Variants in CORO1B observed in about 807,000 individuals in gnomAD.
The protein encoded by CORO1B is coronin 1B, also known as coronin-1B.
In CORO1B, 30 loss-of-function variants were observed where a neutral mutation model predicts 51.1. The observed-to-expected ratio is 0.59, with a 90% confidence interval of 0.44 to 0.80. CORO1B has a LOEUF of 0.80. Among genes scored for constraint, CORO1B ranks in the 30% least tolerant of loss-of-function variants. The pLI is 0.00. For synonymous variants in CORO1B, 310 were observed against 289.7 expected, an observed-to-expected ratio of 1.07 and a Z score of -0.71; for missense variants, 648 against 700.4, an observed-to-expected ratio of 0.93 and a Z score of 0.84.
At chr11:67,442,379 TA>T in intron 2 of CORO1B, 48 bp downstream of exon 2, 3 of 1,581,020 alleles carry the variant, frequency 1.9e-6, no homozygotes, top group Non-Finnish European at 2.6e-6. Flanking sequence ...AAAGGCCCAG[TA>T]GGGGTGGCCG....
intron 6 of CORO1B, 159 bp from the exon 7 acceptor site, chr11:67,440,598 C>A: frequency 1.4e-6 from 1 of 732,408 alleles, no homozygotes; most frequent in Non-Finnish European, 2.4e-6. Context: ...TGACGACCCC[C>A]ACCTGGCCCT....
At chr11:67,441,628 G>A in intron 4 of CORO1B, 105 bp downstream of exon 4, 2 of 1,539,218 alleles carry the variant, frequency 1.3e-6, no homozygotes, top group Non-Finnish European at 1.8e-6. Flanking sequence ...CTCCAACTCT[G>A]AGGGCCTCAG....
chr11:67,442,538 C>G lies in CORO1B; in HGVS notation c.91G>C (p.Val31Leu). The G allele has an allele frequency of 6.2e-7, 1 of 1,613,788 alleles. No individual in the cohort carries two copies. Among genetic ancestry groups the G allele is most frequent in the Non-Finnish European group, 8.5e-7 (1 of 1,180,014 alleles). ...KNDQCYEDIR[V>L]SRVTWDSTFC... ...GTGCTGTCCCAGGTAACACGGGACA[C>G]GCGAATGTCCTCATAGCACTGGTCG... Residue 31 changes from valine (V) to leucine (L), a missense_variant, in exon 2 of 11, where the codon GTG (valine) becomes CTG (leucine). Coordinates refer to ENST00000341356, the MANE Select transcript of CORO1B (RefSeq NM_020441.3).
At position 67,436,418 on chromosome 11, in the gene CORO1B, G is replaced by C; in HGVS notation, c.*1958C>G. 1 of 1,414,468 alleles carries C rather than the reference G, an allele frequency of 7.1e-7. No individual in the cohort carries two copies. The highest frequency in any genetic ancestry group is 9.2e-7 in the Non-Finnish European group (1 of 1,087,692). 87.6% of individuals were successfully genotyped at this position (1,414,468 alleles called of 1,614,324 possible). On this transcript the variant is annotated 3_prime_UTR_variant, in exon 11 of 11. Coordinates refer to ENST00000341356, the MANE Select transcript of CORO1B (RefSeq NM_020441.3). The stretch of plus-strand genomic sequence containing the variant: ...GTGGGGCCTGGTGTGGGGCAGGCTG[G>C]GTGACCAAGACCACTTTCGTTTTTT...
Position 67,437,736 on chromosome 11 carries a change from A to G in CORO1B, c.*640T>C, listed in dbSNP as rs1475045347. 1.7e-5 allele frequency: 20 copies of G among 1,149,920 alleles called. No homozygotes were observed. The highest frequency in any genetic ancestry group is 2.3e-5 in the Non-Finnish European group (20 of 879,208). The allele number at this position is 1,149,920 out of a possible 1,614,324, so 71.2% of individuals were successfully genotyped here. On this transcript the variant is annotated 3_prime_UTR_variant, in exon 11 of 11. Coordinates refer to ENST00000341356, the MANE Select transcript of CORO1B (RefSeq NM_020441.3). The stretch of plus-strand genomic sequence containing the variant: ...TGGCCCAGGCTTCCGCTTCCTGCCC[A>G]CATACCCCACCTGCCCCTCCCTGCT...
upstream of CORO1B, chr11:67,443,551 TCA>T (rs1213479942): frequency 5.4e-6 from 4 of 736,560 alleles, no homozygotes; most frequent in African/African-American, 7.8e-5. Context: ...GGGGCCGAGG[TCA>T]CGCGCGGAGG....
rs370062028 is a variant in CORO1B, at chr11:67,436,148, C to T, written c.*2228G>A. 4.4e-5 allele frequency: 69 copies of T among 1,571,328 alleles called. No individual in the cohort carries two copies. In the East Asian group the frequency reaches 5.6e-4, roughly 13 times the overall value. Reference sequence around the variant, plus strand: ...GCGGCCCCACAGCGCGGCACCTAGGCGGGCCGGGTGGTAGTAGCCCCCTGA... The same window carrying T: ...GCGGCCCCACAGCGCGGCACCTAGGTGGGCCGGGTGGTAGTAGCCCCCTGA... On this transcript the variant is annotated 3_prime_UTR_variant, in exon 11 of 11. Transcript: ENST00000341356.
intron 9 of CORO1B, among the ~76,000 whole-genome samples, chr11:67,439,450 T>TGCC (rs1340603569): frequency 6.6e-6 from 1 of 152,224 alleles, no homozygotes; most frequent in Non-Finnish European, 1.5e-5. Context: ...TCGCCTGGCC[T>TGCC]GCCCCCAGTG....
chr11:67,438,186 A>G lies in CORO1B; in HGVS notation c.*190T>C. 3 of 636,310 alleles carry G rather than the reference A, an allele frequency of 4.7e-6. No individual in the cohort carries two copies. The highest frequency in any genetic ancestry group is 5.0e-6 in the Non-Finnish European group (2 of 396,724). 39.4% of individuals were successfully genotyped at this position (636,310 alleles called of 1,614,324 possible). A position where few individuals can be genotyped will look rare whatever the true frequency, so the allele number is the denominator to read the frequency against. On this transcript the variant is annotated 3_prime_UTR_variant, in exon 11 of 11. Transcript: ENST00000341356. ...TCGAGGAGCTCGCCTGGGCGTAGAC[A>G]TCCTCCACAGGAACAGTGAGGAAAG...
chr11:67,439,883 GC>G (rs759083840), intron 8 of CORO1B, 40 bp from the exon 9 acceptor site: 85 of 1,509,078 alleles, frequency 5.6e-5, no homozygotes, highest in Middle Eastern at 1.8e-4. Flanking sequence ...AACCCTCACC[GC>G]CCCCCCCACC....
Position 67,438,432 on chromosome 11 carries a change from C to A in CORO1B, c.1414G>T (p.Asp472Tyr), listed in dbSNP as rs147206539. The part of the protein sequence containing the change: ...ALRALVKEQG[D>Y]RICRLEEQLG... ...TGCTCCTCCAGGCGGCAGATGCGGTCGCCCTGCTCCTTGACCAGCGCCCTC... is the reference window on the plus strand; with the variant it reads ...TGCTCCTCCAGGCGGCAGATGCGGTAGCCCTGCTCCTTGACCAGCGCCCTC... The change falls in exon 11 of 11, where the codon GAC (aspartate) becomes TAC (tyrosine). Residue 472 changes from aspartate to tyrosine, a missense_variant. By Grantham distance (160) the Asp-to-Tyr change is radical (BLOSUM62 -3). Transcript: ENST00000341356. 6.2e-7 allele frequency: 1 copy of A among 1,611,048 alleles called. No homozygotes were observed. The highest frequency in any genetic ancestry group is 2.2e-5 in the East Asian group (1 of 44,802).
Position 67,438,206 on chromosome 11 carries a change from G to A in CORO1B, c.*170C>T. On this transcript the variant is annotated 3_prime_UTR_variant, in exon 11 of 11. Coordinates refer to ENST00000341356, the MANE Select transcript of CORO1B (RefSeq NM_020441.3). ...TAGACATCCTCCACAGGAACAGTGA[G>A]GAAAGCTGGGCGCTGGCTTCGGCCT... is the stretch of plus-strand genomic sequence containing the variant. The A allele has an allele frequency of 1.3e-6, 1 of 791,508 alleles. No individual in the cohort carries two copies. The highest frequency in any genetic ancestry group is 1.9e-6 in the Non-Finnish European group (1 of 517,738). The allele number at this position is 791,508 out of a possible 1,614,324, so 49.0% of individuals were successfully genotyped here.
At position 67,443,391 on chromosome 11, in the gene CORO1B, C is replaced by A; in HGVS notation, c.-3+13G>T. On this transcript the variant is annotated intron_variant, in intron 1 of 10. Coordinates refer to ENST00000341356, the MANE Select transcript of CORO1B (RefSeq NM_020441.3). Reference sequence around the variant, plus strand: ...CCAGCCCGCGCCCCTAGCCCCGGCCCTGCCGCGCTCACCGGGGGCACCGGG... The same window carrying A: ...CCAGCCCGCGCCCCTAGCCCCGGCCATGCCGCGCTCACCGGGGGCACCGGG... 1 of 902,044 alleles carries A rather than the reference C, an allele frequency of 1.1e-6. No individual in the cohort carries two copies. The highest frequency in any genetic ancestry group is 1.3e-6 in the Non-Finnish European group (1 of 753,522). 55.9% of individuals were successfully genotyped at this position (902,044 alleles called of 1,614,324 possible).
chr11:67,437,308 C>T lies in CORO1B; in HGVS notation c.*1068G>A. 3.0e-6 allele frequency: 1 copy of T among 333,810 alleles called. No homozygotes were observed. Among genetic ancestry groups the T allele is most frequent in the Non-Finnish European group, 5.4e-6 (1 of 184,826 alleles). 20.7% of individuals were successfully genotyped at this position (333,810 alleles called of 1,614,324 possible). A position where few individuals can be genotyped will look rare whatever the true frequency, so the allele number is the denominator to read the frequency against. ...GGGGTGCTGAGGTGCAGCCAGCCTC[C>T]CCCACCACCCCAGGCTGTCCGCCCA... is the stretch of plus-strand genomic sequence containing the variant. On this transcript the variant is annotated 3_prime_UTR_variant, in exon 11 of 11. Coordinates refer to ENST00000341356, the MANE Select transcript of CORO1B (RefSeq NM_020441.3).
Position 67,437,486 on chromosome 11 carries a change from C to T in CORO1B, c.*890G>A. 1 of 1,106,540 alleles carries T rather than the reference C, an allele frequency of 9.0e-7. No individual in the cohort carries two copies. The highest frequency in any genetic ancestry group is 3.6e-5 in the South Asian group (1 of 27,512). 68.5% of individuals were successfully genotyped at this position (1,106,540 alleles called of 1,614,324 possible). On this transcript the variant is annotated 3_prime_UTR_variant, in exon 11 of 11. Transcript: ENST00000341356. Reference sequence around the variant, plus strand: ...GGTGAGAGAAAGGTTCAGCCTCTGCCATACTCCTCTTAGGTCTCACCTCTT... The same window carrying T: ...GGTGAGAGAAAGGTTCAGCCTCTGCTATACTCCTCTTAGGTCTCACCTCTT...
In CORO1B at chr11:67,441,756, G is replaced by C. The variant is rs780207951; in HGVS notation, c.431C>G (p.Ala144Gly). ...RVGIIAWHPT[A>G]RNVLLSAGCD... ...ACCTGCACTGAGCAGCACGTTTCGG[G>C]CCGTGGGGTGCCAGGCGATGATGCC... Residue 144 changes from alanine to glycine, a missense_variant, in exon 4 of 11, where the codon GCC becomes GGC. By Grantham distance (60) the Ala-to-Gly change is moderately conservative. Transcript: ENST00000341356. The C allele has an allele frequency of 6.2e-7, 1 of 1,611,852 alleles. No individual in the cohort carries two copies. Among genetic ancestry groups the C allele is most frequent in the African/African-American group, 1.3e-5 (1 of 74,976 alleles).
rs931057641 is a variant in CORO1B at position 67,438,699 on chromosome 11, G to A, written c.1316C>T (p.Thr439Ile). The A allele has an allele frequency of 1.4e-5, 22 of 1,547,814 alleles. No individual in the cohort carries two copies. The highest frequency in any genetic ancestry group is 1.7e-5 in the Non-Finnish European group (20 of 1,149,666). ...GGCTCTGGCCAGGCTGCCGCTGGGG[G>A]TGGCATCAGCAGCAGTGGTGGTGGA... ...PASTTTAADA[T>I]PSGSLARAGE... The change falls in exon 10 of 11, where the codon ACC becomes ATC. Residue 439 changes from threonine to isoleucine, a missense_variant. Transcript: ENST00000341356.
At chr11:67,440,997 A>C in intron 6 of CORO1B, 128 bp downstream of exon 6, 1 of 1,396,620 alleles carries the variant, frequency 7.2e-7, no homozygotes, top group Non-Finnish European at 1.0e-6. Flanking sequence ...ACAGAGTCCT[A>C]GGCCCTGAGA....
rs1864304372 is a variant in CORO1B, at chr11:67,437,218, G to GAGGCGGGCGCAGCTGCCAGAGGA, written c.*1135_*1157dup. The GAGGCGGGCGCAGCTGCCAGAGGA allele has an allele frequency of 5.5e-6, 1 of 180,436 alleles. No individual in the cohort carries two copies. Among genetic ancestry groups the GAGGCGGGCGCAGCTGCCAGAGGA allele is most frequent in the South Asian group, 2.0e-4 (1 of 5,112 alleles). 11.2% of individuals were successfully genotyped at this position (180,436 alleles called of 1,614,324 possible). ...GGCCGGGGGCTGGGGGGGGCTGGGGGAGGCGGGCGCAGCTGCCAGAGGAAG... is the reference window on the plus strand; with the variant it reads ...GGCCGGGGGCTGGGGGGGGCTGGGGGAGGCGGGCGCAGCTGCCAGAGGAAGGCGGGCGCAGCTGCCAGAGGAAG... On this transcript the variant is annotated 3_prime_UTR_variant, in exon 11 of 11. Coordinates refer to ENST00000341356, the MANE Select transcript of CORO1B (RefSeq NM_020441.3).
Sources: allele counts gnomAD v4.1 joint callset (sites outside exome capture counted in the v4.1 genomes callset), GRCh38; gene constraint gnomAD v4.1.1; transcripts MANE v1.5; gene names NCBI Gene and HGNC (gene_info 2026-07-23, HGNC 2026-07-21).